TEF: variants seen among roughly 807,000 people sequenced by gnomAD.
TEF encodes TEF transcription factor, PAR bZIP family member.
In TEF, 3 loss-of-function variants were observed where a neutral mutation model predicts 20.8. The observed-to-expected ratio is 0.14, with a 90% CI of 0.07 to 0.37. TEF has a LOEUF of 0.37. TEF is among the 10% of genes least tolerant of loss of function. The pLI is 1.00. For synonymous variants in TEF, 180 were observed against 171.1 expected (o/e 1.05, Z -0.41); for missense variants, 296 against 397.9 (o/e 0.74, Z 2.18).
intron 2 of TEF, among the ~76,000 whole-genome samples, chr22:41,392,935 G>C (rs547472039): frequency 6.6e-6 from 1 of 152,016 alleles, no homozygotes; most frequent in Non-Finnish European, 1.5e-5. Flanking sequence ...TACTCGGGAG[G>C]CTGAGTCGGG....
rs148074023 is a variant in TEF at position 41,371,847 on chromosome 22, A to G, written c.67+4248A>G. Among the ~76,000 whole-genome samples, 498 of 152,250 alleles carry G rather than the reference A, an allele frequency of 3.3e-3. 2 individuals are homozygous for G. The highest frequency in any genetic ancestry group is 4.7e-3 in the Non-Finnish European group (323 of 68,018). ...GCACCCAATGGGACAGCCCCATTTC[A>G]TAACAGGCAGGATCTCAGTAGGACT... On this transcript the variant is annotated intron_variant, in intron 1 of 3. Coordinates refer to the TEF transcript ENST00000406644.
intron 1 of TEF, among the ~76,000 whole-genome samples, chr22:41,372,001 CCT>C (rs1467719590): frequency 6.6e-6 from 1 of 152,044 alleles, no homozygotes; most frequent in Non-Finnish European, 1.5e-5. Context: ...AGTGAAGGGC[CCT>C]GTGTTTGCCT....
chr22:41,381,452 G>C (rs1257933507), upstream of TEF, among the ~76,000 whole-genome samples: 1 of 152,196 alleles, frequency 6.6e-6, no homozygotes, highest in Non-Finnish European at 1.5e-5. Flanking sequence ...GTGACCCGCG[G>C]GGGGTGGACA....
chr22:41,381,852 T>C (rs2037029000), upstream of TEF: 2 of 1,214,558 alleles, frequency 1.6e-6, no homozygotes, highest in East Asian at 6.4e-5. Context: ...CCGGGGAAGC[T>C]GGCCTGGCCT....
In TEF at chr22:41,381,997, G is replaced by C. The variant is rs1392380362; in HGVS notation, c.-48G>C. On this transcript the variant is annotated 5_prime_UTR_variant, in exon 1 of 4. Transcript: ENST00000266304. ...GGGTCGCACGGCTCCGGCCCATCTC[G>C]GGGGGCGGGCGGGGGAGGCGAGGTG... 2.3e-5 allele frequency: 28 copies of C among 1,229,156 alleles called. No homozygotes were observed. Among genetic ancestry groups the C allele is most frequent in the Non-Finnish European group, 2.8e-5 (28 of 986,414 alleles). The allele number at this position is 1,229,156 out of a possible 1,614,324, so 76.1% of individuals were successfully genotyped here.
chr22:41,381,332 T>C (rs1425861959), upstream of TEF, among the ~76,000 whole-genome samples: 1 of 148,054 alleles, frequency 6.8e-6, no homozygotes, highest in Non-Finnish European at 1.5e-5. Flanking sequence ...GCCCCGCACG[T>C]GCGGCGCCTC....
chr22:41,383,154 T>C (rs1347225020), intron 1 of TEF, among the ~76,000 whole-genome samples: 1 of 151,932 alleles, frequency 6.6e-6, no homozygotes, highest in East Asian at 1.9e-4. Flanking sequence ...CCTTCGAGAG[T>C]TGTCTGGCCT....
rs1445127173 is a variant in TEF at position 41,397,519 on chromosome 22, C to G, written c.*1559C>G. The G allele has an allele frequency of 6.3e-6, 1 of 158,626 alleles. No homozygotes were observed. 9.8% of individuals were successfully genotyped at this position (158,626 alleles called of 1,614,324 possible). A position where few individuals can be genotyped will look rare whatever the true frequency, so the allele number is the denominator to read the frequency against. Reference sequence around the variant, plus strand: ...GGTGGTTCAGAGTCCCAGGCCCTGACCTCTAAAGACTTTTCATAACAGACG... The same window carrying G: ...GGTGGTTCAGAGTCCCAGGCCCTGAGCTCTAAAGACTTTTCATAACAGACG... On this transcript the variant is annotated 3_prime_UTR_variant, in exon 4 of 4. Coordinates refer to ENST00000266304, the MANE Select transcript of TEF (RefSeq NM_003216.4).
In TEF at chr22:41,396,882, G is replaced by T; in HGVS notation, c.*922G>T. Reference sequence around the variant, plus strand: ...TTATCTAGGAGGCTTTAACTTCCTGGACCCCAGGATTCACCTTCCTAGTGG... The same window carrying T: ...TTATCTAGGAGGCTTTAACTTCCTGTACCCCAGGATTCACCTTCCTAGTGG... On this transcript the variant is annotated 3_prime_UTR_variant, in exon 4 of 4. Coordinates refer to ENST00000266304, the MANE Select transcript of TEF (RefSeq NM_003216.4). 2.5e-6 allele frequency: 1 copy of T among 398,456 alleles called. No individual in the cohort carries two copies. Among genetic ancestry groups the T allele is most frequent in the South Asian group, 1.3e-4 (1 of 7,820 alleles). The allele number at this position is 398,456 out of a possible 1,614,324, so 24.7% of individuals were successfully genotyped here.
At chr22:41,379,123 G>A (rs751538547), upstream of TEF, among the ~76,000 whole-genome samples, 4 of 152,044 alleles carry the variant, frequency 2.6e-5, no homozygotes, top group East Asian at 7.8e-4. Flanking sequence ...GATCACCTGA[G>A]GTCAGGAGTT....
intron 2 of TEF, among the ~76,000 whole-genome samples, chr22:41,390,045 G>A (rs2037147755): frequency 6.6e-6 from 1 of 151,920 alleles, no homozygotes; most frequent in South Asian, 2.1e-4. Flanking sequence ...TATTACAGGT[G>A]TGCGCCACCA....
chr22:41,381,968 C>G lies in TEF; in HGVS notation c.-77C>G, dbSNP rs1427853003. ...CAGTAGCTGCCCGTGTCGGCAGCTGCAGCGGGTCGCACGGCTCCGGCCCAT... is the reference window on the plus strand; with the variant it reads ...CAGTAGCTGCCCGTGTCGGCAGCTGGAGCGGGTCGCACGGCTCCGGCCCAT... On this transcript the variant is annotated 5_prime_UTR_variant, in exon 1 of 4. Transcript: ENST00000266304. 3 of 1,227,264 alleles carry G rather than the reference C, an allele frequency of 2.4e-6. No homozygotes were observed. Among genetic ancestry groups the G allele is most frequent in the East Asian group, 3.2e-5 (1 of 31,418 alleles). The allele number at this position is 1,227,264 out of a possible 1,614,324, so 76.0% of individuals were successfully genotyped here.
chr22:41,382,445 G>T (rs1355354482), intron 1 of TEF, among the ~76,000 whole-genome samples: 1 of 151,980 alleles, frequency 6.6e-6, no homozygotes, highest in Admixed American at 6.5e-5. Flanking sequence ...GGCGGAAGGG[G>T]ATCGGGAGCA....
chr22:41,394,369 G>A, intron 3 of TEF, 53 bp downstream of exon 3: 1 of 1,514,106 alleles, frequency 6.6e-7, no homozygotes, highest in East Asian at 2.3e-5. Flanking sequence ...AAGGGCCTAG[G>A]GGATATGGCT....
chr22:41,381,349 C>T (rs1256961678), upstream of TEF, among the ~76,000 whole-genome samples: 1 of 151,508 alleles, frequency 6.6e-6, no homozygotes, highest in African/African-American at 2.4e-5. Context: ...CCTCGTGCAC[C>T]GCCCCGGGCC....
chr22:41,394,497 G>A (rs1054781026), intron 3 of TEF, among the ~76,000 whole-genome samples, 181 bp downstream of exon 3: 2 of 152,204 alleles, frequency 1.3e-5, no homozygotes, highest in African/African-American at 4.8e-5. Context: ...AGGGAGTCAT[G>A]TGGCATTTGG....
intron 3 of TEF, among the ~76,000 whole-genome samples, chr22:41,395,495 C>G (rs1448127354): frequency 6.6e-6 from 1 of 152,126 alleles, no homozygotes; most frequent in African/African-American, 2.4e-5. Flanking sequence ...GCAGCAGGTA[C>G]CAGGCCTCCA....
upstream of TEF, among the ~76,000 whole-genome samples, chr22:41,377,762 G>A (rs568712946): frequency 6.6e-6 from 1 of 152,252 alleles, no homozygotes; most frequent in East Asian, 1.9e-4. Flanking sequence ...TCTACCCTCT[G>A]GTTATCCAGG....
chr22:41,379,616 G>A (rs987886457), upstream of TEF, among the ~76,000 whole-genome samples: 1 of 152,176 alleles, frequency 6.6e-6, no homozygotes, highest in African/African-American at 2.4e-5. Context: ...TGTAATCCCA[G>A]CACTTTGGGA....
Sources: allele counts gnomAD v4.1 joint callset (sites outside exome capture counted in the v4.1 genomes callset), GRCh38; gene constraint gnomAD v4.1.1; transcripts MANE v1.5; gene names NCBI Gene and HGNC (gene_info 2026-07-23, HGNC 2026-07-21).